Variants in TDRKH observed in about 807,000 individuals in gnomAD.
TDRKH encodes the protein tudor and KH domain-containing protein.
TDRKH carries 28 observed loss-of-function variants against 61.3 expected under a neutral mutation model. The observed-to-expected ratio is 0.46, with a 90% confidence interval of 0.34 to 0.63. TDRKH has a LOEUF of 0.63. Ranked by LOEUF, TDRKH falls within the 20% of genes least tolerant of loss-of-function variation. TDRKH has a pLI of 0.01. For synonymous variants in TDRKH, 219 were observed against 244.4 expected (o/e 0.90, Z 0.97); for missense variants, 540 against 683.4 (o/e 0.79, Z 2.34).
chr1:151,786,251 T>C (rs1175749476), intron 1 of TDRKH, among the ~76,000 whole-genome samples: 1 of 152,156 alleles, frequency 6.6e-6, no homozygotes, highest in Non-Finnish European at 1.5e-5. Context: ...CTTACAACAG[T>C]CATCCTCTCT....
At chr1:151,766,947 G>T, downstream of TDRKH, 3 of 1,456,906 alleles carry the variant, frequency 2.1e-6, no homozygotes, top group Non-Finnish European at 1.9e-6. Flanking sequence ...AAAAGTAAAA[G>T]AATTTGAAAG....
intron 1 of TDRKH, among the ~76,000 whole-genome samples, chr1:151,787,274 A>T (rs1479525761): frequency 6.6e-6 from 1 of 152,238 alleles, no homozygotes; most frequent in Non-Finnish European, 1.5e-5. Flanking sequence ...GCTGGAGTGC[A>T]GTGGCACGAT....
At chr1:151,779,290 T>C in intron 4 of TDRKH, 48 bp from the exon 5 acceptor site, 1 of 1,599,072 alleles carries the variant, frequency 6.3e-7, no homozygotes, top group Non-Finnish European at 8.5e-7. Context: ...CTGGCCAACC[T>C]TAGCTACTGG....
At chr1:151,783,339 C>T (rs887441903) in intron 1 of TDRKH, among the ~76,000 whole-genome samples, 1 of 152,140 alleles carries the variant, frequency 6.6e-6, no homozygotes, top group Middle Eastern at 3.2e-3. Flanking sequence ...AATATATATA[C>T]TTAGATTTCA....
At chr1:151,772,845 G>A (rs867229094), downstream of TDRKH, among the ~76,000 whole-genome samples, 22 of 152,118 alleles carry the variant, frequency 1.4e-4, no homozygotes, top group African/African-American at 4.3e-4. Context: ...TATAGGTGGG[G>A]TCTTACTCAC....
chr1:151,779,885 G>T, intron 4 of TDRKH, 66 bp downstream of exon 4: 1 of 1,492,814 alleles, frequency 6.7e-7, no homozygotes, highest in Non-Finnish European at 9.0e-7. Flanking sequence ...AAAACCCTGG[G>T]AAGGTGTGAA....
At chr1:151,785,437 CCATT>C (rs1650223444) in intron 1 of TDRKH, among the ~76,000 whole-genome samples, 1 of 152,186 alleles carries the variant, frequency 6.6e-6, no homozygotes. Context: ...TTGCCATTGT[CCATT>C]CAGTTTATTC....
rs144980359 is a variant in TDRKH, at chr1:151,778,173, T to A, written c.883+512A>T. Among the ~76,000 whole-genome samples, 888 of 152,258 alleles carry A rather than the reference T, an allele frequency of 5.8e-3. 8 individuals carry two copies. Among genetic ancestry groups the A allele is most frequent in the African/African-American group, 0.02 (842 of 41,550 alleles). ...GGTCTGCTAGCTTACATAAAATGCA[T>A]ACAGTGAAGGCAGGAATTATAGGCC... On this transcript the variant is annotated intron_variant, in intron 6 of 12. Coordinates refer to ENST00000368824, the MANE Select transcript of TDRKH (RefSeq NM_001083965.2).
downstream of TDRKH, chr1:151,767,134 A>T (rs747076237): frequency 3.7e-6 from 6 of 1,612,538 alleles, no homozygotes; most frequent in East Asian, 1.3e-4. Context: ...ATTCCAAGAT[A>T]AACTAATTTG....
intron 1 of TDRKH, among the ~76,000 whole-genome samples, chr1:151,790,159 G>C (rs1034253403): frequency 6.6e-6 from 1 of 152,200 alleles, no homozygotes; most frequent in Non-Finnish European, 1.5e-5. Flanking sequence ...TGTGGCGTAA[G>C]CGGGTGACTG....
chr1:151,781,672 C>T, intron 2 of TDRKH, 85 bp from the exon 3 acceptor site: 1 of 1,140,772 alleles, frequency 8.8e-7, no homozygotes, highest in Non-Finnish European at 1.3e-6. Context: ...ATCTGGCTGT[C>T]AAAGAGACAC....
At chr1:151,771,351 G>T (rs148465533), downstream of TDRKH, 89 of 1,473,286 alleles carry the variant, frequency 6.0e-5, no homozygotes, top group African/African-American at 1.3e-3. Flanking sequence ...ACGGTTTCTT[G>T]GGGGGGTGGG....
chr1:151,784,088 T>TA lies in TDRKH; in HGVS notation c.-27-1040dup, dbSNP rs147863448. ...TCAACTGAGGTCCTTGCTATTTCAC[T>TA]AAAAAAGGAGAGCATTCAGAGAAAA... On this transcript the variant is annotated intron_variant, in intron 1 of 12. Coordinates refer to ENST00000368824, the MANE Select transcript of TDRKH (RefSeq NM_001083965.2). Among the ~76,000 whole-genome samples, 1,175 of 152,280 alleles carry TA rather than the reference T, an allele frequency of 7.7e-3. 20 individuals are homozygous for TA. The highest frequency in any genetic ancestry group is 0.027 in the African/African-American group (1,113 of 41,540).
intron 1 of TDRKH, among the ~76,000 whole-genome samples, chr1:151,789,611 ATC>A (rs1454647408): frequency 6.6e-6 from 1 of 152,234 alleles, no homozygotes; most frequent in Non-Finnish European, 1.5e-5. Flanking sequence ...GCCAAAAACT[ATC>A]TGATATGCAT....
intron 9 of TDRKH, 72 bp from the exon 10 acceptor site, chr1:151,775,615 C>G (rs1649088289): frequency 6.5e-7 from 1 of 1,546,070 alleles, no homozygotes; most frequent in African/African-American, 1.4e-5. Context: ...TGGAACTACC[C>G]TTTTCTACTC....
rs539725711 is a variant in TDRKH at position 151,782,702 on chromosome 1, C to T, written c.124+197G>A. 130 of 420,436 alleles carry T rather than the reference C, an allele frequency of 3.1e-4. 3 individuals are homozygous for T. The South Asian group carries it at 5.0e-3, about 16-fold the overall frequency. The allele number at this position is 420,436 out of a possible 1,614,324, so 26.0% of individuals were successfully genotyped here. ...GGAGGATTGCTTGAGCCCAGGAGGT[C>T]GACACTACAGTGAGCCAAGATTGTG... is the stretch of plus-strand genomic sequence containing the variant. On this transcript the variant is annotated intron_variant, in intron 2 of 12. Coordinates refer to ENST00000368824, the MANE Select transcript of TDRKH (RefSeq NM_001083965.2).
chr1:151,776,068 T>C (rs1649138125), intron 8 of TDRKH, 28 bp downstream of exon 8: 5 of 1,597,970 alleles, frequency 3.1e-6, no homozygotes, highest in South Asian at 2.2e-5. Context: ...GAGTCAGCAG[T>C]TGGGATTGAG....
chr1:151,769,790 G>A (rs908860454), downstream of TDRKH, among the ~76,000 whole-genome samples: 1 of 152,252 alleles, frequency 6.6e-6, no homozygotes, highest in Non-Finnish European at 1.5e-5. Flanking sequence ...GCAACACTGA[G>A]CACTGAGTGA....
At chr1:151,770,408 G>C, downstream of TDRKH, 1 of 1,169,600 alleles carries the variant, frequency 8.5e-7, no homozygotes, top group South Asian at 1.5e-5. Context: ...AAGGTGGGAA[G>C]TTGTAACTTG....
Sources: allele counts gnomAD v4.1 joint callset (sites outside exome capture counted in the v4.1 genomes callset), GRCh38; gene constraint gnomAD v4.1.1; transcripts MANE v1.5; gene names NCBI Gene and HGNC (gene_info 2026-07-23, HGNC 2026-07-21).